The following TSGA10 variants were observed in gnomAD, a reference collection of about 807,000 sequenced individuals.
TSGA10 encodes testis-specific gene 10 protein.
In TSGA10, 43 loss-of-function variants were observed where a neutral mutation model predicts 96.6. That is an observed-to-expected ratio of 0.44 (90% CI 0.35 to 0.57). The LOEUF (loss-of-function observed/expected upper bound fraction) is 0.57, where lower values mean the gene tolerates loss of function less well. Ranked by LOEUF, TSGA10 falls within the 20% of genes least tolerant of loss-of-function variation. The pLI, the probability that TSGA10 is intolerant of heterozygous loss-of-function variation, is 0.01. For synonymous variants in TSGA10, 229 were observed against 269.9 expected (o/e 0.85, Z 1.48); for missense variants, 703 against 834.4 (o/e 0.84, Z 1.94).
chr2:99,041,149 C>T (rs1241304034), intron 16 of TSGA10, among the ~76,000 whole-genome samples: 1 of 152,210 alleles, frequency 6.6e-6, no homozygotes, highest in African/African-American at 2.4e-5. Context: ...ATTGTGAGGT[C>T]CAGCTCCAGC....
chr2:99,051,283 C>T (rs1466551317), intron 16 of TSGA10, among the ~76,000 whole-genome samples: 1 of 151,770 alleles, frequency 6.6e-6, no homozygotes, highest in East Asian at 1.9e-4. Context: ...TAGAATGAAA[C>T]TAAAAAGATA....
rs117264884 is a variant in TSGA10, at chr2:99,077,116, G to A, written c.882+1543C>T. Among the ~76,000 whole-genome samples the A allele has an allele frequency of 1.6e-4, 24 of 148,126 alleles. No individual in the cohort carries two copies. The East Asian group carries it at 4.3e-3, about 27-fold the overall frequency. ...ATTACACTAGAGGCTTTGAGAAGGC[G>A]GACCATTCACCTTTTTTTTTTTTTT... is the stretch of plus-strand genomic sequence containing the variant. On this transcript the variant is annotated intron_variant, in intron 12 of 20. Coordinates refer to ENST00000393483, the MANE Select transcript of TSGA10 (RefSeq NM_025244.4).
chr2:99,020,568 A>T (rs1017415603), intron 17 of TSGA10, 86 bp from the exon 18 acceptor site: 1 of 1,017,792 alleles, frequency 9.8e-7, no homozygotes, highest in East Asian at 2.6e-5. Context: ...AATTTTCATA[A>T]TCTGTTATAA....
intron 1 of TSGA10, among the ~76,000 whole-genome samples, chr2:99,133,452 A>C (rs2093189563): frequency 6.6e-6 from 1 of 151,848 alleles, no homozygotes; most frequent in Non-Finnish European, 1.5e-5. Flanking sequence ...ATACTCCTCC[A>C]TCCCTTTATT....
At chr2:99,034,176 A>C (rs555333695) in intron 17 of TSGA10, among the ~76,000 whole-genome samples, 2 of 151,968 alleles carry the variant, frequency 1.3e-5, no homozygotes, top group African/African-American at 4.8e-5. Flanking sequence ...ATCTCCATAC[A>C]TTCTGGATTA....
intron 15 of TSGA10, 64 bp from the exon 16 acceptor site, chr2:99,065,188 T>C (rs1392646032): frequency 6.5e-7 from 1 of 1,530,522 alleles, no homozygotes; most frequent in Non-Finnish European, 8.8e-7. Flanking sequence ...TAAACATTAT[T>C]ATCCAAGTCA....
At chr2:99,146,731 C>A (rs1326157860) in intron 1 of TSGA10, among the ~76,000 whole-genome samples, 1 of 152,126 alleles carries the variant, frequency 6.6e-6, no homozygotes, top group East Asian at 1.9e-4. Context: ...TGGGTTCAAG[C>A]GATTCTCCTG....
chr2:99,005,659 A>T (rs1056612355), intron 20 of TSGA10, among the ~76,000 whole-genome samples: 1 of 152,212 alleles, frequency 6.6e-6, no homozygotes, highest in African/African-American at 2.4e-5. Flanking sequence ...AAACAAATGG[A>T]AGAACATTCC....
At chr2:99,102,183 A>G in intron 10 of TSGA10, 1 of 1,567,936 alleles carries the variant, frequency 6.4e-7, no homozygotes, top group Non-Finnish European at 8.8e-7. Context: ...ATATGAAGCT[A>G]TTCAGTTAAC....
intron 12 of TSGA10, among the ~76,000 whole-genome samples, chr2:99,074,214 A>G (rs563709764): frequency 3.2e-4 from 49 of 151,808 alleles, no homozygotes; most frequent in African/African-American, 1.1e-3. Context: ...GGGTTTCACT[A>G]TGTTGGCCAG....
chr2:99,101,444 A>G (rs1273344696), intron 10 of TSGA10, among the ~76,000 whole-genome samples: 1 of 152,094 alleles, frequency 6.6e-6, no homozygotes, highest in Non-Finnish European at 1.5e-5. Context: ...CTGGGATTAC[A>G]GGCATGAGCC....
chr2:99,137,370 C>T (rs966045147), intron 1 of TSGA10, among the ~76,000 whole-genome samples: 6 of 152,230 alleles, frequency 3.9e-5, no homozygotes, highest in Admixed American at 1.3e-4. Context: ...CACAGAAATT[C>T]GGACTGAAGC....
chr2:99,102,003 C>T (rs1432039053), intron 10 of TSGA10: 4 of 1,147,138 alleles, frequency 3.5e-6, no homozygotes, highest in Admixed American at 1.7e-5. Context: ...GGATTATACA[C>T]TTAAAATTTT....
chr2:99,056,199 C>T (rs982525795), intron 16 of TSGA10, among the ~76,000 whole-genome samples: 4 of 121,062 alleles, frequency 3.3e-5, no homozygotes, highest in Non-Finnish European at 4.8e-5. Context: ...AGCAAGACTT[C>T]GTCTCAAAAA....
intron 16 of TSGA10, among the ~76,000 whole-genome samples, chr2:99,064,584 A>G (rs2085055946): frequency 6.6e-6 from 1 of 152,330 alleles, no homozygotes; most frequent in Non-Finnish European, 1.5e-5. Context: ...GAGAAGTTTT[A>G]TCTGTAATGT....
intron 7 of TSGA10, among the ~76,000 whole-genome samples, chr2:99,106,863 G>C (rs1475280988): frequency 6.6e-6 from 1 of 152,006 alleles, no homozygotes; most frequent in Non-Finnish European, 1.5e-5. Flanking sequence ...TAACGTTTCT[G>C]CTCCTCTATG....
At chr2:99,071,349 TA>T (rs1051734615) in intron 14 of TSGA10, among the ~76,000 whole-genome samples, 10 of 151,916 alleles carry the variant, frequency 6.6e-5, no homozygotes, top group Admixed American at 6.6e-4. Context: ...CATACATTCA[TA>T]CTTAAAACAG....
intron 1 of TSGA10, chr2:99,150,997 G>A: frequency 2.0e-6 from 1 of 498,474 alleles, no homozygotes; most frequent in Non-Finnish European, 3.6e-6. Flanking sequence ...TTTTTATGAT[G>A]CTTATTCAAA....
intron 10 of TSGA10, among the ~76,000 whole-genome samples, chr2:99,091,178 T>C (rs1384186580): frequency 3.3e-5 from 5 of 152,192 alleles, no homozygotes; most frequent in Non-Finnish European, 7.3e-5. Flanking sequence ...GAAACTAAGC[T>C]TCATACATGA....
Sources: allele counts gnomAD v4.1 joint callset (sites outside exome capture counted in the v4.1 genomes callset), GRCh38; gene constraint gnomAD v4.1.1; transcripts MANE v1.5; gene names NCBI Gene and HGNC (gene_info 2026-07-23, HGNC 2026-07-21).